Variants in RIMS2 observed in about 807,000 individuals in gnomAD.
RIMS2 encodes regulating synaptic membrane exocytosis 2, also known as regulating synaptic membrane exocytosis protein 2.
Under a neutral mutation model 174.4 loss-of-function variants are expected in RIMS2, and 59 were observed. The ratio of observed to expected loss-of-function variants is 0.34; its 90% confidence interval spans 0.27 to 0.42. RIMS2 has a LOEUF of 0.42. Ranked by LOEUF, RIMS2 falls within the 10% of genes least tolerant of loss-of-function variation. RIMS2 has a pLI of 1.00. For synonymous variants in RIMS2, 606 were observed against 572.5 expected (o/e 1.06, Z -0.84); for missense variants, 1,620 against 1,666.3 (o/e 0.97, Z 0.48).
At chr8:104,198,346 G>A (rs944474747) in intron 19 of RIMS2, among the ~76,000 whole-genome samples, 1 of 152,192 alleles carries the variant, frequency 6.6e-6, no homozygotes, top group African/African-American at 2.4e-5. Context: ...TTATGGTGAA[G>A]ACCAGAGAGA....
Position 103,698,555 on chromosome 8 carries a change from T to C in RIMS2, c.387+1259T>C, listed in dbSNP as rs534338177. ...GGTGAAATACATTGGTTGATTTTTA[T>C]ATGTTAAATCAGCTTTGTATTACTG... is the stretch of plus-strand genomic sequence containing the variant. On this transcript the variant is annotated intron_variant, in intron 2 of 23. Transcript: ENST00000504942. Among the ~76,000 whole-genome samples the C allele has an allele frequency of 7.9e-5, 12 of 152,350 alleles. No homozygotes were observed. The East Asian group carries it at 2.1e-3, about 27-fold the overall frequency.
intron 3 of RIMS2, among the ~76,000 whole-genome samples, chr8:103,875,417 C>T (rs1242033879): frequency 2.6e-5 from 4 of 151,932 alleles, no homozygotes; most frequent in Non-Finnish European, 5.9e-5. Context: ...CCAGTTCCAT[C>T]GAAGTTGCTG....
intron 3 of RIMS2, among the ~76,000 whole-genome samples, chr8:103,783,260 T>C (rs1370841729): frequency 6.8e-6 from 1 of 147,484 alleles, no homozygotes; most frequent in Non-Finnish European, 1.5e-5. Flanking sequence ...AGTTTGTTTT[T>C]TCTTTTCTTT....
intron 4 of RIMS2, among the ~76,000 whole-genome samples, chr8:103,903,325 C>T (rs2073637986): frequency 6.6e-6 from 1 of 152,016 alleles, no homozygotes; most frequent in African/African-American, 2.4e-5. Flanking sequence ...CATGTTATTA[C>T]TTTATAAACA....
chr8:104,223,280 A>G, intron 19 of RIMS2: 18 of 705,518 alleles, frequency 2.6e-5, no homozygotes, highest in Non-Finnish European at 2.8e-5. Flanking sequence ...CCGGCCGCTG[A>G]TTGGCGGGGA....
intron 3 of RIMS2, among the ~76,000 whole-genome samples, chr8:103,871,377 G>A (rs1225528607): frequency 6.6e-6 from 1 of 152,196 alleles, no homozygotes; most frequent in African/African-American, 2.4e-5. Flanking sequence ...CTGAGTGACA[G>A]AGCAAGACTC....
intron 2 of RIMS2, among the ~76,000 whole-genome samples, chr8:103,717,623 T>C (rs973232827): frequency 1.3e-5 from 2 of 152,222 alleles, no homozygotes; most frequent in Non-Finnish European, 2.9e-5. Context: ...AATGAGGCAC[T>C]TGATGATAAA....
chr8:103,691,695 C>T (rs2097027193), intron 1 of RIMS2, among the ~76,000 whole-genome samples: 1 of 152,136 alleles, frequency 6.6e-6, no homozygotes, highest in African/African-American at 2.4e-5. Context: ...TAGTGCCTTA[C>T]TTAGTTTGTT....
In RIMS2 at chr8:103,936,799, T is replaced by C. The variant is rs1310459827; in HGVS notation, c.2547+77T>C. The C allele has an allele frequency of 6.7e-6, 8 of 1,198,374 alleles. No homozygotes were observed. In the African/African-American group the frequency reaches 1.2e-4, roughly 19 times the overall value. 74.2% of individuals were successfully genotyped at this position (1,198,374 alleles called of 1,614,324 possible). ...TTATTTATATAACTGTCAGTATAAT[T>C]TCATTTGTAGAATAGGCCAGGCATG... On this transcript the variant is annotated intron_variant, in intron 13 of 23. Coordinates refer to ENST00000504942, the Ensembl canonical transcript of RIMS2.
intron 2 of RIMS2, among the ~76,000 whole-genome samples, chr8:103,728,059 G>A (rs890767540): frequency 2.6e-5 from 4 of 151,790 alleles, no homozygotes; most frequent in East Asian, 1.9e-4. Context: ...TGATTTTTCC[G>A]GTCCATGAAC....
intron 1 of RIMS2, among the ~76,000 whole-genome samples, chr8:103,636,270 T>C (rs969687909): frequency 2.0e-5 from 3 of 152,154 alleles, no homozygotes; most frequent in African/African-American, 7.2e-5. Flanking sequence ...GTCAGTCTCT[T>C]TCCTAGGGGT....
intron 3 of RIMS2, among the ~76,000 whole-genome samples, chr8:103,797,319 A>T (rs2098556708): frequency 6.6e-6 from 1 of 152,140 alleles, no homozygotes; most frequent in African/African-American, 2.4e-5. Context: ...TATACTTGTC[A>T]ATGTTTCTTT....
intron 19 of RIMS2, among the ~76,000 whole-genome samples, chr8:104,033,204 A>T (rs1020105475): frequency 2.6e-5 from 4 of 151,984 alleles, no homozygotes; most frequent in African/African-American, 9.7e-5. Context: ...ATTTTTTCAA[A>T]TCTTCAGTTC....
chr8:103,546,264 C>T (rs577510523), intron 1 of RIMS2, among the ~76,000 whole-genome samples: 3 of 152,192 alleles, frequency 2.0e-5, no homozygotes, highest in African/African-American at 7.2e-5. Context: ...TTTAACCCAA[C>T]AATGATTTAA....
chr8:103,868,443 A>G (rs1376568473), intron 3 of RIMS2, among the ~76,000 whole-genome samples: 1 of 152,026 alleles, frequency 6.6e-6, no homozygotes, highest in Non-Finnish European at 1.5e-5. Flanking sequence ...TGAACTATAA[A>G]CATTTTTTGT....
chr8:103,537,762 G>C (rs897747696), intron 1 of RIMS2, among the ~76,000 whole-genome samples: 39 of 152,138 alleles, frequency 2.6e-4, no homozygotes, highest in African/African-American at 9.4e-4. Context: ...CCTGACTGCT[G>C]CTTGATTATA....
chr8:103,785,082 GTGCGTAAGAA>G lies in RIMS2; in HGVS notation c.698+18549_698+18558del, dbSNP rs2098428931. Among the ~76,000 whole-genome samples, 3 of 141,772 alleles carry G rather than the reference GTGCGTAAGAA, an allele frequency of 2.1e-5. No homozygotes were observed. The South Asian group carries it at 7.0e-4, about 33-fold the overall frequency. 93.0% of individuals were successfully genotyped at this position (141,772 alleles called of 152,430 possible). On this transcript the variant is annotated intron_variant, in intron 3 of 23. Transcript: ENST00000504942. Reference sequence around the variant, plus strand: ...TTGGCTCTCTGTTTGTCTGTTATTGGTGCGTAAGAATGCTTGTGATTTTTGTACATTGATT... The same window carrying G: ...TTGGCTCTCTGTTTGTCTGTTATTGGTGCTTGTGATTTTTGTACATTGATT...
At position 104,103,570 on chromosome 8, in the gene RIMS2, T is replaced by C. The variant is rs369747731; in HGVS notation, c.3334+88955T>C. ...ATTCTAATACTCCTTCTGAGCCACC[T>C]TTCCCTAAAATATTCATCTTTTTTC... On this transcript the variant is annotated intron_variant, in intron 19 of 23. Coordinates refer to ENST00000504942, the Ensembl canonical transcript of RIMS2. 9.8e-5 allele frequency among the ~76,000 whole-genome samples: 15 copies of C among 152,304 alleles called. No individual in the cohort carries two copies. In the East Asian group the frequency reaches 2.9e-3, roughly 29 times the overall value.
chr8:103,583,716 AG>A (rs2093744790), intron 1 of RIMS2, among the ~76,000 whole-genome samples: 1 of 151,384 alleles, frequency 6.6e-6, no homozygotes, highest in African/African-American at 2.4e-5. Context: ...ACACAGTCAG[AG>A]GGGACAAAAT....
Sources: allele counts gnomAD v4.1 joint callset (sites outside exome capture counted in the v4.1 genomes callset), GRCh38; gene constraint gnomAD v4.1.1; transcripts MANE v1.5; gene names NCBI Gene and HGNC (gene_info 2026-07-23, HGNC 2026-07-21).